Variants in MAF observed in about 807,000 individuals in gnomAD.
MAF encodes the protein transcription factor Maf.
A neutral mutation model predicts 22.0 loss-of-function variants in MAF; 10 were observed. The ratio of observed to expected loss-of-function variants is 0.45; its 90% CI spans 0.28 to 0.77. The LOEUF (loss-of-function observed/expected upper bound fraction) is 0.77, where lower values mean the gene tolerates loss of function less well. Among genes scored for constraint, MAF ranks in the 30% least tolerant of loss-of-function variants. The probability of loss-of-function intolerance (pLI) is 0.12; values close to 1 mark genes in which losing one functional copy is unlikely to be tolerated. For missense variants in MAF, 544 were observed against 548.4 expected, an observed-to-expected ratio of 0.99 and a Z score of 0.08; for synonymous variants, 337 against 255.8, an observed-to-expected ratio of 1.32 and a Z score of -3.03.
At chr16:79,389,931 G>A in the MAF span, among the ~76,000 whole-genome samples, 111 of 118,726 alleles carry the variant, frequency 9.3e-4, 1 homozygote, top group East Asian at 9.7e-3. Context: ...AGCTGAGATC[G>A]TACCACTGCA....
chr16:79,598,502 T>C, intron 1 of MAF: 1 of 1,346,816 alleles, frequency 7.4e-7, no homozygotes, highest in Non-Finnish European at 9.6e-7. Context: ...AATTTCAGAT[T>C]GGCAATCCAT....
At chr16:79,396,271 G>C in the MAF span, among the ~76,000 whole-genome samples, 1 of 152,180 alleles carries the variant, frequency 6.6e-6, no homozygotes, top group Non-Finnish European at 1.5e-5. Context: ...GTTCCACATG[G>C]ACCAAGCCTT....
At chr16:79,486,465 T>C in the MAF span, among the ~76,000 whole-genome samples, 1 of 146,294 alleles carries the variant, frequency 6.8e-6, no homozygotes, top group Non-Finnish European at 1.5e-5. Flanking sequence ...AACATAAACA[T>C]AACAATATTT....
chr16:79,440,655 C>A, the MAF span, among the ~76,000 whole-genome samples: 1 of 152,210 alleles, frequency 6.6e-6, no homozygotes, highest in East Asian at 1.9e-4. Context: ...TCGTGATCCA[C>A]CCGCCTTGGC....
chr16:79,461,184 G>A, the MAF span, among the ~76,000 whole-genome samples: 2 of 152,260 alleles, frequency 1.3e-5, no homozygotes, highest in Admixed American at 1.3e-4. Context: ...CTTTTTGAAT[G>A]CAGATGGCTG....
the MAF span, among the ~76,000 whole-genome samples, chr16:79,337,825 A>G: frequency 6.6e-6 from 1 of 152,174 alleles, no homozygotes; most frequent in Non-Finnish European, 1.5e-5. Context: ...ATGCACACAC[A>G]AGGCTACTAT....
the MAF span, among the ~76,000 whole-genome samples, chr16:79,225,964 A>AGTGTG: frequency 1.3e-5 from 2 of 152,242 alleles, no homozygotes; most frequent in African/African-American, 4.8e-5. Context: ...TGTGGAAGAC[A>AGTGTG]GTGTGGCAAT....
the MAF span, among the ~76,000 whole-genome samples, chr16:79,550,641 A>T: frequency 1.3e-5 from 2 of 152,152 alleles, no homozygotes; most frequent in African/African-American, 4.8e-5. Context: ...AAGGAGGTAG[A>T]GCCTCATGAT....
chr16:79,452,861 G>C, the MAF span, among the ~76,000 whole-genome samples: 39 of 152,126 alleles, frequency 2.6e-4, no homozygotes, highest in Non-Finnish European at 2.1e-4. Flanking sequence ...TTACAGAGTC[G>C]CGAGATGAAA....
the MAF span, among the ~76,000 whole-genome samples, chr16:79,358,009 C>T: frequency 1.3e-5 from 2 of 152,258 alleles, no homozygotes; most frequent in East Asian, 3.9e-4. Context: ...ACTTGAATGG[C>T]CAACTTGTGT....
At chr16:79,388,573 GCTCT>G in the MAF span, among the ~76,000 whole-genome samples, 5 of 152,136 alleles carry the variant, frequency 3.3e-5, no homozygotes, top group Admixed American at 1.3e-4. Context: ...CAAAAGCAGT[GCTCT>G]CTCTCTATCT....
At chr16:79,570,242 G>A in the MAF span, among the ~76,000 whole-genome samples, 2 of 152,010 alleles carry the variant, frequency 1.3e-5, no homozygotes, top group East Asian at 3.9e-4. Flanking sequence ...GCATCCTTCT[G>A]GGCTCTGCCT....
At chr16:79,529,101 G>A in the MAF span, among the ~76,000 whole-genome samples, 2 of 152,124 alleles carry the variant, frequency 1.3e-5, no homozygotes, top group Non-Finnish European at 2.9e-5. Context: ...TAAAACTACT[G>A]CAGGACTGAT....
At chr16:79,373,360 T>C in the MAF span, among the ~76,000 whole-genome samples, 2 of 19,570 alleles carry the variant, frequency 1.0e-4, no homozygotes, top group Admixed American at 7.3e-4. Context: ...GACTGGTAGC[T>C]TTTTTTTTTT....
the MAF span, among the ~76,000 whole-genome samples, chr16:79,430,954 G>A: frequency 6.6e-6 from 1 of 152,214 alleles, no homozygotes; most frequent in Admixed American, 6.5e-5. Context: ...CCTGGGAACA[G>A]GGTGACAGGG....
the MAF span, among the ~76,000 whole-genome samples, chr16:79,521,896 C>T: frequency 6.6e-6 from 1 of 152,242 alleles, no homozygotes; most frequent in Non-Finnish European, 1.5e-5. Flanking sequence ...TCTTAATTTT[C>T]CAGAAACAAT....
chr16:79,590,424 C>T (rs748205685), downstream of MAF, among the ~76,000 whole-genome samples: 1 of 152,138 alleles, frequency 6.6e-6, no homozygotes, highest in Non-Finnish European at 1.5e-5. Flanking sequence ...TAAAGTGGGG[C>T]GGAGGTGACT....
At chr16:79,483,629 T>A in the MAF span, among the ~76,000 whole-genome samples, 1 of 152,060 alleles carries the variant, frequency 6.6e-6, no homozygotes, top group Non-Finnish European at 1.5e-5. Context: ...GTCTGTCTGT[T>A]CTAGCAGAGG....
the MAF span, among the ~76,000 whole-genome samples, chr16:79,383,690 G>T: frequency 6.6e-6 from 1 of 152,140 alleles, no homozygotes; most frequent in African/African-American, 2.4e-5. Context: ...GTTGCTGTAG[G>T]TGTCACAGAA....
Sources: gnomAD v4.1 joint callset for allele counts (sites outside exome capture counted in the v4.1 genomes callset) on GRCh38, gnomAD v4.1.1 for gene constraint, MANE v1.5 for transcripts, NCBI Gene and HGNC (gene_info 2026-07-23, HGNC 2026-07-21) for gene names.